The following ANP32A variants were observed in gnomAD, a reference collection of about 807,000 sequenced individuals.
The protein encoded by ANP32A is acidic nuclear phosphoprotein 32 family member A, also known as acidic leucine-rich nuclear phosphoprotein 32 family member A.
Under a neutral mutation model 33.9 loss-of-function variants are expected in ANP32A, and 1 was observed. The ratio of observed to expected loss-of-function variants is 0.03; its 90% CI spans 0.01 to 0.14. The LOEUF is 0.14. Among genes scored for constraint, ANP32A ranks in the 10% least tolerant of loss-of-function variants. The pLI is 1.00. For synonymous variants in ANP32A, 115 were observed against 120.5 expected, an observed-to-expected ratio of 0.95 and a Z score of 0.30; for missense variants, 155 against 306.0, an observed-to-expected ratio of 0.51 and a Z score of 3.68.
At chr15:68,820,289 G>A (rs1035606093) in intron 1 of ANP32A, among the ~76,000 whole-genome samples, 1 of 152,150 alleles carries the variant, frequency 6.6e-6, no homozygotes, top group Admixed American at 6.5e-5. Flanking sequence ...GTTAAATCCA[G>A]GAGGCAGCCC....
intron 1 of ANP32A, among the ~76,000 whole-genome samples, chr15:68,811,052 ACT>A (rs1256437835): frequency 8.1e-6 from 1 of 122,894 alleles, no homozygotes; most frequent in Non-Finnish European, 1.7e-5. Flanking sequence ...ACAGAGTGAG[ACT>A]CTGTCTGGGA....
chr15:68,800,746 A>AAAAAAAAG (rs1285813103), intron 1 of ANP32A, among the ~76,000 whole-genome samples: 7 of 148,438 alleles, frequency 4.7e-5, no homozygotes, highest in African/African-American at 7.4e-5. Context: ...TCCGTCTCAA[A>AAAAAAAAG]AAAAAAAAAA....
At chr15:68,818,949 G>GCGCCCCCTCCTCTCCCGCGGC (rs1417778817) in intron 1 of ANP32A, among the ~76,000 whole-genome samples, 1 of 151,822 alleles carries the variant, frequency 6.6e-6, no homozygotes, top group Non-Finnish European at 1.5e-5. Flanking sequence ...TCCACCGGCG[G>GCGCCCCCTCCTCTCCCGCGGC]CGCCCCCTCC....
rs957233924 is a variant in ANP32A at position 68,807,430 on chromosome 15, G to GT, written c.54+13267_54+13268insA. On this transcript the variant is annotated intron_variant, in intron 1 of 6. Coordinates refer to ENST00000465139, the MANE Select transcript of ANP32A (RefSeq NM_006305.4). Reference sequence around the variant, plus strand: ...CCCGCCCCACCTCCACAGAAAACGGGGGGGGGGGAGTCTCTCCTTTGCCCA... The same window carrying GT: ...CCCGCCCCACCTCCACAGAAAACGGGTGGGGGGGGAGTCTCTCCTTTGCCCA... Among the ~76,000 whole-genome samples the GT allele has an allele frequency of 4.8e-5, 7 of 147,256 alleles. 1 individual carries two copies. The highest frequency in any genetic ancestry group is 3.9e-4 in the East Asian group (2 of 5,092).
At chr15:68,814,226 G>A (rs947262386) in intron 1 of ANP32A, among the ~76,000 whole-genome samples, 3 of 151,994 alleles carry the variant, frequency 2.0e-5, no homozygotes, top group African/African-American at 7.2e-5. Flanking sequence ...GCTCTGGGAT[G>A]GACAGCTCTG....
Position 68,787,422 on chromosome 15 carries a change from T to C in ANP32A, c.318A>G (p.Ile106Met). The change falls in exon 3 of 7, where the codon ATA (isoleucine) becomes ATG (methionine). Residue 106 changes from isoleucine to methionine, a missense_variant. Coordinates refer to ENST00000465139, the MANE Select transcript of ANP32A (RefSeq NM_006305.4). ...SGNKIKDLST[I>M]EPLKKLENLK... Reference sequence around the variant, plus strand: ...GGTCCGAATGACTTACCAGTGGCTCTATTGTGCTGAGGTCTTTAATTTTGT... The same window carrying C: ...GGTCCGAATGACTTACCAGTGGCTCCATTGTGCTGAGGTCTTTAATTTTGT... 1 of 1,614,234 alleles carries C rather than the reference T, an allele frequency of 6.2e-7. No homozygotes were observed. The highest frequency in any genetic ancestry group is 8.5e-7 in the Non-Finnish European group (1 of 1,180,028).
Position 68,779,911 on chromosome 15 carries a change from C to CCA in ANP32A, c.*169_*170insTG. On this transcript the variant is annotated 3_prime_UTR_variant, in exon 7 of 7. Coordinates refer to ENST00000465139, the MANE Select transcript of ANP32A (RefSeq NM_006305.4). Reference sequence around the variant, plus strand: ...AGTATTTTATTCCACCCCCACCCGCCATCCCTCCCCCCGCAACCCCCAGTA... The same window carrying CCA: ...AGTATTTTATTCCACCCCCACCCGCCCAATCCCTCCCCCCGCAACCCCCAGTA... The CCA allele has an allele frequency of 1.2e-5, 6 of 489,890 alleles. No homozygotes were observed. The highest frequency in any genetic ancestry group is 1.4e-5 in the Non-Finnish European group (4 of 276,228). 30.3% of individuals were successfully genotyped at this position (489,890 alleles called of 1,614,324 possible).
intron 1 of ANP32A, among the ~76,000 whole-genome samples, chr15:68,818,514 C>G (rs1455833987): frequency 1.3e-5 from 2 of 152,222 alleles, no homozygotes; most frequent in Admixed American, 1.3e-4. Context: ...CCGCGCCCCA[C>G]CCCGCCTCCA....
At chr15:68,800,681 TTGCAGTGAGCCGAGATCCCGCCA>T (rs1372500445) in intron 1 of ANP32A, among the ~76,000 whole-genome samples, 29 of 2,888 alleles carry the variant, frequency 0.01, no homozygotes, top group African/African-American at 0.015. Flanking sequence ...GAGGCGGAGC[TTGCAGTGAGCCGAGATCCCGCCA>T]CTGCGCTCCA....
At chr15:68,803,147 T>G (rs1894161890) in intron 1 of ANP32A, among the ~76,000 whole-genome samples, 1 of 152,268 alleles carries the variant, frequency 6.6e-6, no homozygotes, top group Admixed American at 6.5e-5. Context: ...CAAGGGCCGC[T>G]CAGTGTGCCC....
intron 1 of ANP32A, among the ~76,000 whole-genome samples, chr15:68,797,290 CCAGGATCACCCAT>C (rs1242554687): frequency 1.3e-5 from 2 of 151,854 alleles, no homozygotes; most frequent in African/African-American, 4.8e-5. Context: ...AGAGGAGAGA[CCAGGATCACCCAT>C]CACTACTCAG....
At chr15:68,803,798 C>CT (rs3985625) in intron 1 of ANP32A, among the ~76,000 whole-genome samples, 30,708 of 100,970 alleles carry the variant, frequency 0.3, 5,324 homozygotes, top group Middle Eastern at 0.47. Context: ...ATTTCACAAA[C>CT]TTTTTTTTTT....
Sources: allele counts gnomAD v4.1 joint callset (sites outside exome capture counted in the v4.1 genomes callset), GRCh38; gene constraint gnomAD v4.1.1; transcripts MANE v1.5; gene names NCBI Gene and HGNC (gene_info 2026-07-23, HGNC 2026-07-21).